RBFOX1: variants seen among roughly 807,000 people sequenced by gnomAD.
RBFOX1 encodes RNA binding protein fox-1 homolog 1.
A neutral mutation model predicts 57.7 loss-of-function variants in RBFOX1; 8 were observed. The observed-to-expected ratio is 0.14, with a 90% confidence interval of 0.08 to 0.25. The LOEUF (loss-of-function observed/expected upper bound fraction) is 0.25, where lower values mean the gene tolerates loss of function less well. Ranked by LOEUF, RBFOX1 falls within the 10% of genes least tolerant of loss-of-function variation. The pLI, the probability that RBFOX1 is intolerant of heterozygous loss-of-function variation, is 1.00. For missense variants in RBFOX1, 611 were observed against 548.5 expected (o/e 1.11, Z -1.14); for synonymous variants, 326 against 222.4 (o/e 1.47, Z -4.15).
chr16:6,833,589 C>T (rs1277646317), intron 3 of RBFOX1, among the ~76,000 whole-genome samples: 1 of 152,178 alleles, frequency 6.6e-6, no homozygotes, highest in African/African-American at 2.4e-5. Context: ...TGCACTTATA[C>T]ACCTGTTAGT....
chr16:5,513,289 A>C (rs1240957902), intron 2 of RBFOX1, among the ~76,000 whole-genome samples: 1 of 152,160 alleles, frequency 6.6e-6, no homozygotes. Context: ...ATATACATCC[A>C]GTGGTATCTG....
chr16:6,629,929 C>G (rs1247007630), intron 2 of RBFOX1, among the ~76,000 whole-genome samples: 1 of 146,210 alleles, frequency 6.8e-6, no homozygotes, highest in Non-Finnish European at 1.5e-5. Context: ...TACATAAATG[C>G]TAATTTTACA....
intron 4 of RBFOX1, among the ~76,000 whole-genome samples, chr16:5,955,009 G>C (rs1365228208): frequency 6.7e-6 from 1 of 149,478 alleles, no homozygotes; most frequent in Non-Finnish European, 1.5e-5. Context: ...AGCTGGACGT[G>C]GCAGCTCATC....
intron 1 of RBFOX1, among the ~76,000 whole-genome samples, chr16:6,169,055 T>C (rs1449556811): frequency 6.6e-6 from 1 of 152,178 alleles, no homozygotes. Context: ...ATATAAACCA[T>C]GTTTATCACT....
Position 5,786,594 on chromosome 16 carries a change from A to C in RBFOX1, c.319-80709A>C, listed in dbSNP as rs187579635. ...TGTGGATGATCTCTTCATTTTTCCA[A>C]GACCTCTGCACCTGTCTTGGTCCTA... is the stretch of plus-strand genomic sequence containing the variant. On this transcript the variant is annotated intron_variant, in intron 3 of 19. Transcript: ENST00000641259. Among the ~76,000 whole-genome samples, 5 of 152,192 alleles carry C rather than the reference A, an allele frequency of 3.3e-5. No homozygotes were observed. The East Asian group carries it at 5.8e-4, about 18-fold the overall frequency.
chr16:5,852,525 G>C (rs183561585), intron 3 of RBFOX1, among the ~76,000 whole-genome samples: 143 of 152,308 alleles, frequency 9.4e-4, no homozygotes, highest in African/African-American at 3.3e-3. Flanking sequence ...GCTGGCTCCG[G>C]ATGGAGGTCA....
At chr16:6,822,789 G>C (rs1254804075) in intron 3 of RBFOX1, among the ~76,000 whole-genome samples, 1 of 152,186 alleles carries the variant, frequency 6.6e-6, no homozygotes, top group Non-Finnish European at 1.5e-5. Flanking sequence ...CGCGAGTATG[G>C]TCTGACTCTC....
At chr16:7,586,133 A>G (rs76721479) in intron 6 of RBFOX1, among the ~76,000 whole-genome samples, 2,990 of 152,346 alleles carry the variant, frequency 0.02, 79 homozygotes, top group African/African-American at 0.068. Flanking sequence ...TAATCACTCA[A>G]AGAGCATTTG....
intron 4 of RBFOX1, among the ~76,000 whole-genome samples, chr16:7,258,577 A>C (rs2094790990): frequency 6.6e-6 from 1 of 151,790 alleles, no homozygotes; most frequent in Non-Finnish European, 1.5e-5. Flanking sequence ...TAATTTACTC[A>C]TAAGTATGAG....
chr16:5,283,249 G>A (rs1236515864), intron 1 of RBFOX1, among the ~76,000 whole-genome samples: 1 of 152,204 alleles, frequency 6.6e-6, no homozygotes, highest in Non-Finnish European at 1.5e-5. Flanking sequence ...GCAGGGGCAG[G>A]GCACTCATGG....
chr16:6,828,167 C>A lies in RBFOX1; in HGVS notation c.-16+173517C>A, dbSNP rs549586720. 2.6e-5 allele frequency among the ~76,000 whole-genome samples: 4 copies of A among 152,264 alleles called. No individual in the cohort carries two copies. The South Asian group carries it at 8.3e-4, about 32-fold the overall frequency. On this transcript the variant is annotated intron_variant, in intron 3 of 15. Coordinates refer to ENST00000550418, the MANE Select transcript of RBFOX1 (RefSeq NM_018723.4). ...CTTAAGGAGGAAGGCCAGTGACTCA[C>A]AGATGGAGTCTCAGCACTTCCCTTG...
chr16:7,115,665 G>C (rs147363274), intron 4 of RBFOX1, among the ~76,000 whole-genome samples: 1 of 152,216 alleles, frequency 6.6e-6, no homozygotes, highest in African/African-American at 2.4e-5. Flanking sequence ...ATTCAAGAGA[G>C]AATGAAAGAG....
At chr16:5,748,964 C>G (rs1437698339) in intron 3 of RBFOX1, among the ~76,000 whole-genome samples, 1 of 152,240 alleles carries the variant, frequency 6.6e-6, no homozygotes, top group East Asian at 1.9e-4. Flanking sequence ...TCTTCTTAGC[C>G]TTGATGGTCT....
chr16:5,614,267 T>C (rs1368213568), intron 3 of RBFOX1, among the ~76,000 whole-genome samples: 5 of 152,136 alleles, frequency 3.3e-5, no homozygotes, highest in Admixed American at 6.5e-5. Flanking sequence ...AATTTGCACA[T>C]GGACTAAACA....
At chr16:7,439,969 T>G (rs1312011981) in intron 4 of RBFOX1, among the ~76,000 whole-genome samples, 1 of 116,696 alleles carries the variant, frequency 8.6e-6, no homozygotes, top group Non-Finnish European at 1.7e-5. Flanking sequence ...TTTTTTTTTT[T>G]GAGACAGGGT....
intron 13 of RBFOX1, among the ~76,000 whole-genome samples, chr16:7,666,319 C>A (rs1454990424): frequency 1.3e-5 from 2 of 151,106 alleles, no homozygotes; most frequent in Admixed American, 1.3e-4. Flanking sequence ...AGGGAATAGA[C>A]AAGGGATAGA....
chr16:6,362,656 C>G (rs762836794), intron 2 of RBFOX1, among the ~76,000 whole-genome samples: 1 of 152,206 alleles, frequency 6.6e-6, no homozygotes, highest in Non-Finnish European at 1.5e-5. Flanking sequence ...AGAATCCTGA[C>G]GGCTTTAACC....
chr16:5,284,026 G>T (rs1379215755), intron 1 of RBFOX1, among the ~76,000 whole-genome samples: 3 of 152,046 alleles, frequency 2.0e-5, no homozygotes, highest in African/African-American at 7.2e-5. Context: ...GAGTCATGGG[G>T]GCATGTCTTT....
intron 4 of RBFOX1, among the ~76,000 whole-genome samples, chr16:7,386,825 C>G (rs1036481193): frequency 6.6e-6 from 1 of 152,158 alleles, no homozygotes; most frequent in African/African-American, 2.4e-5. Flanking sequence ...AATGGTTGAA[C>G]TAATTTACAC....
Sources: gnomAD v4.1 joint callset for allele counts (sites outside exome capture counted in the v4.1 genomes callset) on GRCh38, gnomAD v4.1.1 for gene constraint, MANE v1.5 for transcripts, NCBI Gene and HGNC (gene_info 2026-07-23, HGNC 2026-07-21) for gene names.